KCNN2: variants seen among roughly 807,000 people sequenced by gnomAD.
KCNN2 encodes small conductance calcium-activated potassium channel protein 2.
Under a neutral mutation model 55.5 loss-of-function variants are expected in KCNN2, and 24 were observed. That is an observed-to-expected ratio of 0.43 (90% confidence interval 0.31 to 0.61). The LOEUF (loss-of-function observed/expected upper bound fraction) is 0.61. Among genes scored for constraint, KCNN2 ranks in the 20% least tolerant of loss-of-function variants. KCNN2 has a pLI of 0.08. For missense variants in KCNN2, 754 were observed against 853.6 expected (o/e 0.88, Z 1.45); for synonymous variants, 431 against 336.1 (o/e 1.28, Z -3.09).
intron 2 of KCNN2, among the ~76,000 whole-genome samples, chr5:114,379,458 T>A (rs546309644): frequency 8.1e-6 from 1 of 123,518 alleles, no homozygotes; most frequent in African/African-American, 2.7e-5. Flanking sequence ...ATAGAATATA[T>A]TATATAACAT....
intron 3 of KCNN2, among the ~76,000 whole-genome samples, chr5:114,422,255 T>C (rs1177601908): frequency 6.6e-6 from 1 of 152,132 alleles, no homozygotes; most frequent in East Asian, 1.9e-4. Context: ...TAATTTCCAG[T>C]GTGATAATAT....
chr5:114,474,052 G>A (rs1761866099), intron 5 of KCNN2, among the ~76,000 whole-genome samples: 1 of 152,190 alleles, frequency 6.6e-6, no homozygotes. Flanking sequence ...CAATCAGGCT[G>A]TCAGTGAAAT....
chr5:114,458,421 A>T (rs899142135), intron 3 of KCNN2, among the ~76,000 whole-genome samples: 3 of 152,244 alleles, frequency 2.0e-5, no homozygotes, highest in African/African-American at 7.2e-5. Flanking sequence ...ATGTTCACTG[A>T]TGAGCAAGAA....
intron 3 of KCNN2, among the ~76,000 whole-genome samples, chr5:114,421,678 C>T (rs555982662): frequency 2.1e-4 from 32 of 152,004 alleles, no homozygotes; most frequent in African/African-American, 7.0e-4. Flanking sequence ...GGCATGTTCT[C>T]GGCTCACTGC....
At chr5:114,220,856 A>G (rs1754123629) in intron 1 of KCNN2, among the ~76,000 whole-genome samples, 1 of 151,808 alleles carries the variant, frequency 6.6e-6, no homozygotes, top group South Asian at 2.1e-4. Flanking sequence ...GTTAAAGTCA[A>G]GTTAAAGACT....
At chr5:114,363,391 C>G in intron 1 of KCNN2, 130 bp downstream of exon 1, 1 of 1,188,808 alleles carries the variant, frequency 8.4e-7, no homozygotes, top group Non-Finnish European at 1.1e-6. Flanking sequence ...GCCAGGACAG[C>G]GGGCGCGTCT....
At chr5:114,414,261 C>T (rs549368284) in intron 3 of KCNN2, among the ~76,000 whole-genome samples, 5 of 152,252 alleles carry the variant, frequency 3.3e-5, no homozygotes, top group African/African-American at 1.2e-4. Context: ...GATCTGCCTT[C>T]TATTATAATG....
At chr5:114,204,209 C>T (rs899073866) in intron 1 of KCNN2, among the ~76,000 whole-genome samples, 1 of 151,986 alleles carries the variant, frequency 6.6e-6, no homozygotes, top group African/African-American at 2.4e-5. Flanking sequence ...CCAACTGCAC[C>T]TTAAAATATG....
chr5:114,315,421 C>CTGTGTGTG (rs34000645), intron 2 of KCNN2, among the ~76,000 whole-genome samples: 3 of 142,884 alleles, frequency 2.1e-5, no homozygotes, highest in South Asian at 2.3e-4. Context: ...AAGGCAGAAA[C>CTGTGTGTG]TGTGTGTGTG....
At chr5:114,482,215 GACATGA>G (rs1434544318) in intron 5 of KCNN2, among the ~76,000 whole-genome samples, 1 of 152,020 alleles carries the variant, frequency 6.6e-6, no homozygotes, top group Non-Finnish European at 1.5e-5. Flanking sequence ...GTGGGCAAAG[GACATGA>G]ACAGACACGT....
chr5:114,170,590 A>G (rs976230340), intron 1 of KCNN2, among the ~76,000 whole-genome samples: 3 of 151,972 alleles, frequency 2.0e-5, no homozygotes, highest in Non-Finnish European at 4.4e-5. Context: ...CACACAGTAA[A>G]CACATTTTCC....
intron 1 of KCNN2, among the ~76,000 whole-genome samples, chr5:114,070,479 C>T (rs1483433576): frequency 6.6e-6 from 1 of 152,214 alleles, no homozygotes; most frequent in Admixed American, 6.5e-5. Flanking sequence ...CACACATCTC[C>T]TCTGAAAAAG....
At chr5:114,297,824 C>T (rs1274145819) in intron 2 of KCNN2, among the ~76,000 whole-genome samples, 6 of 151,978 alleles carry the variant, frequency 3.9e-5, no homozygotes. Context: ...TATTACATAA[C>T]AAGTTTACAG....
intron 1 of KCNN2, among the ~76,000 whole-genome samples, chr5:114,076,637 G>C (rs1319849726): frequency 2.0e-5 from 3 of 152,116 alleles, no homozygotes; most frequent in African/African-American, 7.2e-5. Context: ...TTTTTCCTAA[G>C]TCACATAAGA....
At chr5:114,393,522 A>G (rs1208812526) in intron 2 of KCNN2, among the ~76,000 whole-genome samples, 1 of 152,028 alleles carries the variant, frequency 6.6e-6, no homozygotes, top group East Asian at 1.9e-4. Flanking sequence ...CTGTTTTTTA[A>G]CCATAAAAAC....
intron 2 of KCNN2, among the ~76,000 whole-genome samples, chr5:114,289,837 T>G (rs1374570572): frequency 6.6e-6 from 1 of 152,248 alleles, no homozygotes; most frequent in African/African-American, 2.4e-5. Flanking sequence ...TAAAATTTCC[T>G]TCAGCAATGT....
At position 114,232,925 on chromosome 5, in the gene KCNN2, G is replaced by GTTTTTTTTGTTTT. The variant is rs554932578; in HGVS notation, c.-185+11368_-185+11369insGTTTTTTTTTTTT. 8.9e-4 allele frequency among the ~76,000 whole-genome samples: 68 copies of GTTTTTTTTGTTTT among 76,280 alleles called. 7 individuals are homozygous for GTTTTTTTTGTTTT. The highest frequency in any genetic ancestry group is 2.9e-3 in the African/African-American group (64 of 21,886). 50.0% of individuals were successfully genotyped at this position (76,280 alleles called of 152,430 possible). A position where few individuals can be genotyped will look rare whatever the true frequency, so the allele number is the denominator to read the frequency against. On this transcript the variant is annotated intron_variant, in intron 2 of 10. Transcript: ENST00000512097. Reference sequence around the variant, plus strand: ...GAGGTAATTTTTTATATTGTTTCTTGTTTTTTTTTTTTTGAGACGGAGTCT... The same window carrying GTTTTTTTTGTTTT: ...GAGGTAATTTTTTATATTGTTTCTTGTTTTTTTTGTTTTTTTTTTTTTTTTTGAGACGGAGTCT...
chr5:114,080,161 A>T (rs2112539103), intron 1 of KCNN2, among the ~76,000 whole-genome samples: 1 of 152,318 alleles, frequency 6.6e-6, no homozygotes, highest in East Asian at 1.9e-4. Flanking sequence ...TCACAGTGCC[A>T]GACTCTAAGC....
At chr5:114,229,806 G>T (rs1754319316) in intron 2 of KCNN2, among the ~76,000 whole-genome samples, 1 of 152,114 alleles carries the variant, frequency 6.6e-6, no homozygotes, top group African/African-American at 2.4e-5. Flanking sequence ...TGGCAATGTG[G>T]TGAAAATGGG....
Sources: gnomAD v4.1 joint callset for allele counts (sites outside exome capture counted in the v4.1 genomes callset) on GRCh38, gnomAD v4.1.1 for gene constraint, MANE v1.5 for transcripts, NCBI Gene and HGNC (gene_info 2026-07-23, HGNC 2026-07-21) for gene names.